Variants in UBE2F observed in about 807,000 individuals in gnomAD.
The protein encoded by UBE2F is NEDD8-conjugating enzyme UBE2F.
A neutral mutation model predicts 29.6 loss-of-function variants in UBE2F; 5 were observed. That is an observed-to-expected ratio of 0.17 (90% CI 0.09 to 0.36). The LOEUF is 0.36. Ranked by LOEUF, UBE2F falls within the 10% of genes least tolerant of loss-of-function variation. UBE2F has a pLI of 1.00. For synonymous variants in UBE2F, 66 were observed against 81.8 expected, an observed-to-expected ratio of 0.81 and a Z score of 1.04; for missense variants, 141 against 228.5, an observed-to-expected ratio of 0.62 and a Z score of 2.47.
At chr2:238,035,838 AG>A in intron 8 of UBE2F, 39 bp from the exon 9 acceptor site, 1 of 1,530,196 alleles carries the variant, frequency 6.5e-7, no homozygotes, top group Non-Finnish European at 9.0e-7. Context: ...GCAGAAAAGC[AG>A]TTCTCCCAAT....
At chr2:238,014,224 G>A (rs2064104778) in intron 4 of UBE2F, among the ~76,000 whole-genome samples, 1 of 152,094 alleles carries the variant, frequency 6.6e-6, no homozygotes, top group Non-Finnish European at 1.5e-5. Context: ...TGGAATTTCT[G>A]GGCAAATTAA....
intron 2 of UBE2F, among the ~76,000 whole-genome samples, chr2:237,981,698 C>CACACTG (rs2106334543): frequency 7.3e-6 from 1 of 136,590 alleles, no homozygotes; most frequent in Non-Finnish European, 1.5e-5. Context: ...ACGATCTCAG[C>CACACTG]ACACTGTAAC....
Position 238,041,321 on chromosome 2 carries a change from A to C in UBE2F, c.541A>C (p.Lys181Gln). 6.2e-7 allele frequency: 1 copy of C among 1,613,968 alleles called. No individual in the cohort carries two copies. Among genetic ancestry groups the C allele is most frequent in the Non-Finnish European group, 8.5e-7 (1 of 1,179,864 alleles). The change falls in exon 10 of 10, where the codon AAA becomes CAA. Residue 181 changes from lysine to glutamine, a missense_variant. Physicochemically the swap from Lys to Gln is moderately conservative, Grantham distance 53 (BLOSUM62 1). Transcript: ENST00000272930. ...DFRNKVDDYI[K>Q]RYAR ...CCGGAATAAAGTGGATGACTACATC[A>C]AACGTTATGCCAGATGATAAAAGGG...
chr2:238,030,365 A>C (rs959024991), intron 6 of UBE2F, among the ~76,000 whole-genome samples, 191 bp from the exon 7 acceptor site: 3 of 152,204 alleles, frequency 2.0e-5, no homozygotes, highest in Non-Finnish European at 4.4e-5. Context: ...AGACGTTATA[A>C]TTGAATATGT....
At chr2:237,971,722 G>T (rs1311869911) in intron 1 of UBE2F, among the ~76,000 whole-genome samples, 1 of 133,568 alleles carries the variant, frequency 7.5e-6, no homozygotes, top group Non-Finnish European at 1.6e-5. Flanking sequence ...GAAACAGAAG[G>T]CAGAGTCTAG....
At chr2:238,018,039 A>G (rs1289768875) in intron 5 of UBE2F, among the ~76,000 whole-genome samples, 3 of 152,230 alleles carry the variant, frequency 2.0e-5, no homozygotes, top group African/African-American at 7.2e-5. Context: ...TGGCAGCCCA[A>G]GAAATTTTTA....
Position 237,991,610 on chromosome 2 carries a change from T to TTTCTTTC in UBE2F, c.149-3132_149-3131insCTTTCTT, listed in dbSNP as rs796515315. 1.1e-4 allele frequency among the ~76,000 whole-genome samples: 4 copies of TTTCTTTC among 35,386 alleles called. 1 individual carries two copies. In the South Asian group the frequency reaches 1.9e-3, roughly 17 times the overall value. 23.2% of individuals were successfully genotyped at this position (35,386 alleles called of 152,430 possible). ...ACCTTTCTTTTCTTTTCTTTCTTTC[T>TTTCTTTC]TTTTTTTTTTTTGAGACAGTCTTGC... On this transcript the variant is annotated intron_variant, in intron 3 of 9. Transcript: ENST00000272930.
At chr2:237,994,366 G>T (rs956669529) in intron 3 of UBE2F, among the ~76,000 whole-genome samples, 8 of 152,118 alleles carry the variant, frequency 5.3e-5, no homozygotes, top group African/African-American at 1.7e-4. Context: ...CTCTTTCCTG[G>T]TTTTTTCGTG....
Position 238,041,656 on chromosome 2 carries a change from G to A in UBE2F, c.*318G>A, listed in dbSNP as rs1000367139. ...AAGAAGTTGTAATGAACTCAAAATT[G>A]AGGCCAGAGCTTGCTTTCCCTTTTC... On this transcript the variant is annotated 3_prime_UTR_variant, in exon 10 of 10. Coordinates refer to ENST00000272930, the MANE Select transcript of UBE2F (RefSeq NM_080678.3). 4.4e-6 allele frequency: 1 copy of A among 228,158 alleles called. No homozygotes were observed. The highest frequency in any genetic ancestry group is 8.6e-6 in the Non-Finnish European group (1 of 116,218). 14.1% of individuals were successfully genotyped at this position (228,158 alleles called of 1,614,324 possible). A position where few individuals can be genotyped will look rare whatever the true frequency, so the allele number is the denominator to read the frequency against.
chr2:238,012,593 G>T (rs556136231), intron 4 of UBE2F, among the ~76,000 whole-genome samples: 1 of 152,298 alleles, frequency 6.6e-6, no homozygotes, highest in East Asian at 1.9e-4. Flanking sequence ...AGCCCATTCA[G>T]TTTATCAAAA....
chr2:237,997,868 G>A (rs534530548), intron 4 of UBE2F, among the ~76,000 whole-genome samples: 23 of 152,338 alleles, frequency 1.5e-4, no homozygotes, highest in Admixed American at 1.3e-3. Context: ...TAGAAAAAAA[G>A]CGTCCACATC....
rs530802778 is a variant in UBE2F, at chr2:237,975,018, C to T, written c.118+1793C>T. Among the ~76,000 whole-genome samples, 21 of 152,266 alleles carry T rather than the reference C, an allele frequency of 1.4e-4. 1 individual carries two copies. Among genetic ancestry groups the T allele is most frequent in the Admixed American group, 2.0e-4 (3 of 15,298 alleles). On this transcript the variant is annotated intron_variant, in intron 2 of 9. Transcript: ENST00000272930. The stretch of plus-strand genomic sequence containing the variant: ...AACTCCTGACCTCAGGTGAGCCACC[C>T]GCCTCTGCCTCCCAAAGTGCTGGGA...
At chr2:238,032,194 TTGTTTTC>T in intron 7 of UBE2F, 21 bp from the exon 8 acceptor site, 1 of 1,606,846 alleles carries the variant, frequency 6.2e-7, no homozygotes, top group African/African-American at 1.3e-5. Flanking sequence ...GGCTTAAAAC[TTGTTTTC>T]TGTTTTCTTT....
chr2:237,978,611 C>G (rs954771514), intron 2 of UBE2F, among the ~76,000 whole-genome samples: 2 of 152,248 alleles, frequency 1.3e-5, no homozygotes, highest in Admixed American at 1.3e-4. Context: ...CCTCAGCATC[C>G]TCAGTCCAGT....
intron 5 of UBE2F, among the ~76,000 whole-genome samples, chr2:238,020,671 C>T (rs1184588276): frequency 6.6e-6 from 1 of 152,184 alleles, no homozygotes; most frequent in Non-Finnish European, 1.5e-5. Flanking sequence ...ACCCAATATC[C>T]CAGCAGCCAA....
rs560186175 is a variant in UBE2F, at chr2:238,005,607, T to TTA, written c.214+10799_214+10800insAT. On this transcript the variant is annotated intron_variant, in intron 4 of 9. Transcript: ENST00000272930. ...CAAGAGAAGAGTGTAGTTTTCTGGT[T>TTA]TTTTTTTTCTATCTCTTTTTTGCAT... is the stretch of plus-strand genomic sequence containing the variant. 8.2e-4 allele frequency among the ~76,000 whole-genome samples: 124 copies of TTA among 151,416 alleles called. No individual in the cohort carries two copies. The Middle Eastern group carries it at 0.027, about 33-fold the overall frequency.
At chr2:238,006,208 A>C (rs1355418882) in intron 4 of UBE2F, among the ~76,000 whole-genome samples, 1 of 152,208 alleles carries the variant, frequency 6.6e-6, no homozygotes, top group African/African-American at 2.4e-5. Context: ...TGAGAGAGGG[A>C]GCAAAAGAGA....
At chr2:237,996,240 TTC>T (rs1289733826) in intron 4 of UBE2F, among the ~76,000 whole-genome samples, 1 of 152,188 alleles carries the variant, frequency 6.6e-6, no homozygotes, top group Non-Finnish European at 1.5e-5. Context: ...TTAAGATTGG[TTC>T]TCTGTTTACT....
At chr2:237,976,831 A>T (rs1309327421) in intron 2 of UBE2F, among the ~76,000 whole-genome samples, 2 of 152,202 alleles carry the variant, frequency 1.3e-5, no homozygotes, top group Admixed American at 6.5e-5. Flanking sequence ...AAGCCTTGCC[A>T]GATTGATCCT....
Sources: allele counts gnomAD v4.1 joint callset (sites outside exome capture counted in the v4.1 genomes callset), GRCh38; gene constraint gnomAD v4.1.1; transcripts MANE v1.5; gene names NCBI Gene and HGNC (gene_info 2026-07-23, HGNC 2026-07-21).